Variants in ZNF431 observed in about 807,000 individuals in gnomAD.
ZNF431 encodes the protein zinc finger protein 431.
In ZNF431, 34 loss-of-function variants were observed where a neutral mutation model predicts 57.0. That is an observed-to-expected ratio of 0.60 (90% CI 0.45 to 0.79). The LOEUF (loss-of-function observed/expected upper bound fraction) is 0.79. Among genes scored for constraint, ZNF431 ranks in the 30% least tolerant of loss-of-function variants. The probability of loss-of-function intolerance (pLI) is 0.00; values close to 1 mark genes in which losing one functional copy is unlikely to be tolerated. For missense variants in ZNF431, 607 were observed against 667.1 expected (o/e 0.91, Z 0.99); for synonymous variants, 207 against 220.3 (o/e 0.94, Z 0.54).
At chr19:21,156,068 C>T (rs1354938770) in intron 2 of ZNF431, among the ~76,000 whole-genome samples, 1 of 152,206 alleles carries the variant, frequency 6.6e-6, no homozygotes, top group African/African-American at 2.4e-5. Flanking sequence ...ATCCACACCT[C>T]TCCCAGCACT....
chr19:21,142,076 C>G lies in ZNF431; in HGVS notation c.-108C>G. 6.8e-7 allele frequency: 1 copy of G among 1,468,844 alleles called. No individual in the cohort carries two copies. The highest frequency in any genetic ancestry group is 9.5e-7 in the Non-Finnish European group (1 of 1,055,590). 91.0% of individuals were successfully genotyped at this position (1,468,844 alleles called of 1,614,324 possible). ...CAGCCTGAGCTCCAGGTCTCCCCTTCGCTGCTCTGTGTCCTCTGCTCCTAG... is the reference window on the plus strand; with the variant it reads ...CAGCCTGAGCTCCAGGTCTCCCCTTGGCTGCTCTGTGTCCTCTGCTCCTAG... On this transcript the variant is annotated 5_prime_UTR_variant, in exon 1 of 5. Transcript: ENST00000311048.
intron 2 of ZNF431, among the ~76,000 whole-genome samples, chr19:21,146,095 C>A (rs1970085981): frequency 6.6e-6 from 1 of 152,052 alleles, no homozygotes; most frequent in East Asian, 1.9e-4. Flanking sequence ...AAAGAGGTCC[C>A]AATCCAAGCC....
intron 2 of ZNF431, among the ~76,000 whole-genome samples, chr19:21,164,079 CA>C (rs34934773): frequency 0.02 from 2,795 of 138,354 alleles, 93 homozygotes; most frequent in African/African-American, 0.071. Flanking sequence ...AACTCCATCT[CA>C]AAAAAAAAAA....
chr19:21,144,156 C>G (rs1427523121), intron 2 of ZNF431, among the ~76,000 whole-genome samples: 1 of 151,624 alleles, frequency 6.6e-6, no homozygotes, highest in African/African-American at 2.4e-5. Flanking sequence ...TTTGACCTCA[C>G]TTTTTTAGCT....
intron 4 of ZNF431, among the ~76,000 whole-genome samples, chr19:21,175,859 T>C (rs1971034486): frequency 6.6e-6 from 1 of 152,250 alleles, no homozygotes; most frequent in East Asian, 1.9e-4. Flanking sequence ...ATGTCTTTGC[T>C]ATTGTGAATG....
rs906533182 is a variant in ZNF431 at position 21,182,693 on chromosome 19, A to G, written c.390A>G (p.Ile130Met). 19 of 1,613,756 alleles carry G rather than the reference A, an allele frequency of 1.2e-5. No homozygotes were observed. Among genetic ancestry groups the G allele is most frequent in the Non-Finnish European group, 1.6e-5 (19 of 1,179,850 alleles). Residue 130 changes from isoleucine to methionine, a missense_variant, in exon 5 of 5, where the codon ATA becomes ATG. Coordinates refer to ENST00000311048, the MANE Select transcript of ZNF431 (RefSeq NM_133473.4). Reference sequence around the variant, plus strand: ...TAAAAGATTCTTTTCAACAAGTAATACTGAGAAGATATGGCAAATGTGAAC... The same window carrying G: ...TAAAAGATTCTTTTCAACAAGTAATGCTGAGAAGATATGGCAAATGTGAAC... ...QDIKDSFQQV[I>M]LRRYGKCEHE...
intron 2 of ZNF431, among the ~76,000 whole-genome samples, chr19:21,160,270 G>A (rs1433187057): frequency 6.6e-6 from 1 of 152,078 alleles, no homozygotes; most frequent in Admixed American, 6.6e-5. Context: ...GGCTTTTTAA[G>A]CTTTTTAGAT....
intron 2 of ZNF431, among the ~76,000 whole-genome samples, chr19:21,149,299 T>C (rs952672200): frequency 5.9e-5 from 9 of 152,218 alleles, no homozygotes; most frequent in Non-Finnish European, 1.3e-4. Flanking sequence ...AAATATTTGG[T>C]AAATCTAATA....
chr19:21,146,897 A>G (rs1022484292), intron 2 of ZNF431, among the ~76,000 whole-genome samples: 2 of 152,168 alleles, frequency 1.3e-5, no homozygotes, highest in Non-Finnish European at 2.9e-5. Context: ...TCACAAGGGC[A>G]CACTTAATCC....
At chr19:21,177,623 CTAA>C (rs1971096314) in intron 4 of ZNF431, among the ~76,000 whole-genome samples, 1 of 152,064 alleles carries the variant, frequency 6.6e-6, no homozygotes, top group African/African-American at 2.4e-5. Flanking sequence ...CCTGTCTCTA[CTAA>C]AAATACAAAA....
intron 4 of ZNF431, chr19:21,175,368 G>T: frequency 1.5e-6 from 1 of 674,616 alleles, no homozygotes; most frequent in South Asian, 1.6e-5. Flanking sequence ...TTTTTAAAAT[G>T]ACTGCTTAAA....
chr19:21,143,728 C>A, intron 2 of ZNF431, 85 bp downstream of exon 2: 2 of 942,562 alleles, frequency 2.1e-6, no homozygotes, highest in South Asian at 1.4e-5. Flanking sequence ...CAGTCCGATG[C>A]TGGCACTGAT....
At chr19:21,171,309 A>G (rs1179957414) in intron 4 of ZNF431, among the ~76,000 whole-genome samples, 1 of 149,524 alleles carries the variant, frequency 6.7e-6, no homozygotes, top group East Asian at 2.0e-4. Context: ...TTCTTTTTTA[A>G]TGGTACTTTA....
chr19:21,153,627 A>G (rs991360375), intron 2 of ZNF431, among the ~76,000 whole-genome samples: 3 of 152,216 alleles, frequency 2.0e-5, no homozygotes, highest in African/African-American at 2.4e-5. Context: ...ACTTTTTATA[A>G]TAAACTAGTA....
chr19:21,146,874 TC>T (rs1338710885), intron 2 of ZNF431, among the ~76,000 whole-genome samples: 1 of 152,082 alleles, frequency 6.6e-6, no homozygotes, highest in Non-Finnish European at 1.5e-5. Flanking sequence ...CTCTGACATC[TC>T]CCCCATCTTT....
At chr19:21,150,657 C>G (rs1304761969) in intron 2 of ZNF431, among the ~76,000 whole-genome samples, 2 of 152,134 alleles carry the variant, frequency 1.3e-5, no homozygotes, top group Admixed American at 6.6e-5. Context: ...AGTCTTATTT[C>G]TCAGTAGGGG....
Position 21,184,289 on chromosome 19 carries a change from G to A in ZNF431, c.*255G>A, listed in dbSNP as rs1326592473. 1 of 316,278 alleles carries A rather than the reference G, an allele frequency of 3.2e-6. No individual in the cohort carries two copies. The highest frequency in any genetic ancestry group is 2.1e-5 in the African/African-American group (1 of 46,804). The allele number at this position is 316,278 out of a possible 1,614,324, so 19.6% of individuals were successfully genotyped here. On this transcript the variant is annotated 3_prime_UTR_variant, in exon 5 of 5. Transcript: ENST00000311048. ...CACTTGAACCTGGGAGGTGGAAGTT[G>A]CAGTGAGCCAAGATTGTACCACTGC...
At position 21,183,009 on chromosome 19, in the gene ZNF431, GA is replaced by G; in HGVS notation, c.708del (p.Glu236AspfsTer45). On this transcript the variant is annotated frameshift_variant, in exon 5 of 5. Transcript: ENST00000311048. LOFTEE classifies it high-confidence loss of function. ...TAGAGAGAATTCTTACCAATGTGAA[GA>G]ATGTGGCAAAGCTTTTAAATGGTTC... ...HIRENSYQCE[E>X]CGKAFKWFST... 6.2e-7 allele frequency: 1 copy of G among 1,614,106 alleles called. No homozygotes were observed. Among genetic ancestry groups the G allele is most frequent in the East Asian group, 2.2e-5 (1 of 44,872 alleles).
At chr19:21,145,013 G>A (rs1373964878) in intron 2 of ZNF431, among the ~76,000 whole-genome samples, 1 of 78,472 alleles carries the variant, frequency 1.3e-5, no homozygotes, top group Non-Finnish European at 2.8e-5. Flanking sequence ...GAAAGGAATG[G>A]ATACTTTTGC....
Sources: gnomAD v4.1 joint callset for allele counts (sites outside exome capture counted in the v4.1 genomes callset) on GRCh38, gnomAD v4.1.1 for gene constraint, MANE v1.5 for transcripts, NCBI Gene and HGNC (gene_info 2026-07-23, HGNC 2026-07-21) for gene names.